The following RPN2 variants were observed in gnomAD, a reference collection of about 807,000 sequenced individuals.
RPN2 encodes the protein ribophorin II, also known as dolichyl-diphosphooligosaccharide--protein glycosyltransferase subunit 2.
Under a neutral mutation model 71.4 loss-of-function variants are expected in RPN2, and 29 were observed. That is an observed-to-expected ratio of 0.41 (90% CI 0.30 to 0.55). The LOEUF (loss-of-function observed/expected upper bound fraction) is 0.55. RPN2 is among the 20% of genes least tolerant of loss of function. The probability of loss-of-function intolerance (pLI) is 0.35; values close to 1 mark genes in which losing one functional copy is unlikely to be tolerated. For missense variants in RPN2, 726 were observed against 774.1 expected, an observed-to-expected ratio of 0.94 and a Z score of 0.74; for synonymous variants, 308 against 305.0, an observed-to-expected ratio of 1.01 and a Z score of -0.10.
At chr20:37,234,220 C>A in intron 15 of RPN2, 125 bp downstream of exon 15, 1 of 948,936 alleles carries the variant, frequency 1.1e-6, no homozygotes, top group Non-Finnish European at 1.7e-6. Context: ...ACATTTCCCT[C>A]TTCCTCCTGG....
At chr20:37,208,432 C>T (rs529377097) in intron 7 of RPN2, among the ~76,000 whole-genome samples, 2 of 152,128 alleles carry the variant, frequency 1.3e-5, no homozygotes, top group East Asian at 3.9e-4. Flanking sequence ...TTTTTTGAGA[C>T]GCGGTCTCGC....
In RPN2 at chr20:37,236,644, G is replaced by A. The variant is rs571019869; in HGVS notation, c.1818G>A (p.Leu606=). 1.9e-6 allele frequency: 3 copies of A among 1,614,050 alleles called. No individual in the cohort carries two copies. In the South Asian group the frequency reaches 3.3e-5, roughly 18 times the overall value. Residue 606 remains leucine (L), a synonymous_variant, in exon 16 of 17, where the codon CTG becomes CTA. Coordinates refer to ENST00000237530, the MANE Select transcript of RPN2 (RefSeq NM_002951.5). ...QLNMFQTLKY[L]AILGSVTFLA... is the part of the protein sequence containing the mutation. ...ACATGTTCCAGACCTTGAAGTACCTGGCCATCCTGGGCAGTGTGACGTTTC... is the reference window on the plus strand; with the variant it reads ...ACATGTTCCAGACCTTGAAGTACCTAGCCATCCTGGGCAGTGTGACGTTTC...
At chr20:37,239,572 CATTT>C (rs566514848) in intron 16 of RPN2, among the ~76,000 whole-genome samples, 3,230 of 87,792 alleles carry the variant, frequency 0.037, 50 homozygotes, top group Middle Eastern at 0.054. Flanking sequence ...AAGGGAACTG[CATTT>C]GTTTGTTTGT....
chr20:37,207,505 T>C, intron 7 of RPN2, 56 bp downstream of exon 7: 1 of 1,546,236 alleles, frequency 6.5e-7, no homozygotes. Flanking sequence ...AGTGGAAGGC[T>C]TTCAGAAATC....
chr20:37,204,826 G>T lies in RPN2; in HGVS notation c.615G>T (p.Leu205=), dbSNP rs751788162. The T allele has an allele frequency of 2.5e-6, 4 of 1,614,004 alleles. No individual in the cohort carries two copies. Among genetic ancestry groups the T allele is most frequent in the African/African-American group, 1.3e-5 (1 of 74,904 alleles). The change falls in exon 6 of 17, where the codon CTG becomes CTT. Residue 205 remains leucine (L), a synonymous_variant. Coordinates refer to ENST00000237530, the MANE Select transcript of RPN2 (RefSeq NM_002951.5). ...TGTATCTCCAGTTTGAAGAAGGACT[G>T]GAAACAACAGCGTTATTTGTGGCTG... ...GGVYLQFEEG[L]ETTALFVAAT...
At chr20:37,222,483 A>C (rs2067983869) in intron 9 of RPN2, among the ~76,000 whole-genome samples, 1 of 152,234 alleles carries the variant, frequency 6.6e-6, no homozygotes. Flanking sequence ...GAGGCAGGAA[A>C]GAAGGCCGTT....
chr20:37,217,759 TTGC>T (rs5841256), intron 9 of RPN2, among the ~76,000 whole-genome samples: 109,703 of 150,908 alleles, frequency 0.73, 40,330 homozygotes, highest in Middle Eastern at 0.85. Context: ...AGATGGAATC[TTGC>T]TGTCACCCAG....
chr20:37,201,137 G>A (rs564311648), intron 4 of RPN2, among the ~76,000 whole-genome samples: 1 of 150,520 alleles, frequency 6.6e-6, no homozygotes, highest in Admixed American at 6.6e-5. Context: ...AGACCCTAGC[G>A]CAGTGCCTGG....
rs758418102 is a variant in RPN2, at chr20:37,210,130, C to T, written c.951C>T (p.Ala317=). ...ATGCTAAATCTGTTGCTTCCAGAGC[C>T]ACTGTCCTCCAGAAGACATCCTTCA... ...LEHAKSVASR[A]TVLQKTSFTP... is the part of the protein sequence containing the mutation. The change falls in exon 8 of 17, where the codon GCC becomes GCT. Residue 317 remains alanine (A), a synonymous_variant. Coordinates refer to ENST00000237530, the MANE Select transcript of RPN2 (RefSeq NM_002951.5). 6.2e-7 allele frequency: 1 copy of T among 1,614,118 alleles called. No homozygotes were observed. Among genetic ancestry groups the T allele is most frequent in the East Asian group, 2.2e-5 (1 of 44,890 alleles).
At chr20:37,196,590 G>A (rs1021126972) in intron 2 of RPN2, among the ~76,000 whole-genome samples, 3 of 152,048 alleles carry the variant, frequency 2.0e-5, no homozygotes, top group Non-Finnish European at 4.4e-5. Context: ...CTGCAGTGGT[G>A]TAATCACAGC....
chr20:37,236,714 G>A lies in RPN2; in HGVS notation c.1883+5G>A. ...GGCCCAGCAGGCAGTCAAGAGGTAA[G>A]GCCAGACATGAGCCAGGGATCTAGA... On this transcript the variant is annotated splice_donor_5th_base_variant and intron_variant, in intron 16 of 16. Coordinates refer to ENST00000237530, the MANE Select transcript of RPN2 (RefSeq NM_002951.5). The A allele has an allele frequency of 6.2e-7, 1 of 1,613,980 alleles. No homozygotes were observed. Among genetic ancestry groups the A allele is most frequent in the African/African-American group, 1.3e-5 (1 of 75,052 alleles).
At chr20:37,209,468 C>CT (rs1329714006) in intron 7 of RPN2, among the ~76,000 whole-genome samples, 3 of 58,742 alleles carry the variant, frequency 5.1e-5, no homozygotes, top group Non-Finnish European at 8.4e-5. Context: ...CTAGCTGAGA[C>CT]ATTTTTTTTT....
intron 15 of RPN2, among the ~76,000 whole-genome samples, chr20:37,235,186 G>T (rs1019731690): frequency 6.6e-6 from 1 of 152,092 alleles, no homozygotes; most frequent in Non-Finnish European, 1.5e-5. Flanking sequence ...TAAGAGCCCC[G>T]CTGTAGTTCA....
intron 11 of RPN2, among the ~76,000 whole-genome samples, chr20:37,227,831 G>A (rs953314462): frequency 5.3e-5 from 8 of 152,198 alleles, no homozygotes; most frequent in African/African-American, 7.2e-5. Flanking sequence ...CAGTACCATC[G>A]TATTGCTATT....
At chr20:37,220,324 C>T (rs970313130) in intron 9 of RPN2, among the ~76,000 whole-genome samples, 17 of 152,122 alleles carry the variant, frequency 1.1e-4, no homozygotes, top group Admixed American at 1.1e-3. Context: ...TGTTTGTCCT[C>T]CCAAGAAATG....
At position 37,210,167 on chromosome 20, in the gene RPN2, T is replaced by C; in HGVS notation, c.986+2T>C. Reference sequence around the variant, plus strand: ...GAAGACATCCTTCACCCCTGTAGGGTAAGTCCTGATCATATTTTGGTGGGG... The same window carrying C: ...GAAGACATCCTTCACCCCTGTAGGGCAAGTCCTGATCATATTTTGGTGGGG... On this transcript the variant is annotated splice_donor_variant, in intron 8 of 16. Transcript: ENST00000237530. LOFTEE classifies it high-confidence loss of function. The C allele has an allele frequency of 6.2e-7, 1 of 1,613,832 alleles. No individual in the cohort carries two copies. Among genetic ancestry groups the C allele is most frequent in the Non-Finnish European group, 8.5e-7 (1 of 1,179,982 alleles).
intron 4 of RPN2, among the ~76,000 whole-genome samples, chr20:37,200,962 C>T (rs573882387): frequency 3.9e-5 from 6 of 152,254 alleles, no homozygotes; most frequent in Middle Eastern, 3.4e-3. Context: ...AAGGGAAGTA[C>T]GTCCACTTTG....
intron 9 of RPN2, among the ~76,000 whole-genome samples, chr20:37,219,669 A>G (rs932839453): frequency 6.6e-6 from 1 of 151,318 alleles, no homozygotes. Flanking sequence ...ATTTACTACT[A>G]TGTTTTCTTA....
At chr20:37,180,579 G>T (rs1299821613) in intron 1 of RPN2, among the ~76,000 whole-genome samples, 2 of 152,164 alleles carry the variant, frequency 1.3e-5, no homozygotes, top group Admixed American at 6.6e-5. Flanking sequence ...GCTAGTCGCA[G>T]CCATTCACTA....
Sources: allele counts gnomAD v4.1 joint callset (sites outside exome capture counted in the v4.1 genomes callset), GRCh38; gene constraint gnomAD v4.1.1; transcripts MANE v1.5; gene names NCBI Gene and HGNC (gene_info 2026-07-23, HGNC 2026-07-21).